Variants in INTU observed in about 807,000 individuals in gnomAD.
INTU encodes inturned planar cell polarity protein.
Under a neutral mutation model 100.5 loss-of-function variants are expected in INTU, and 68 were observed. The ratio of observed to expected loss-of-function variants is 0.68; its 90% confidence interval spans 0.56 to 0.83. The LOEUF is 0.83. Among genes scored for constraint, INTU ranks in the 40% least tolerant of loss-of-function variants. The pLI is 0.00. For missense variants in INTU, 1,071 were observed against 1,114.7 expected (o/e 0.96, Z 0.56); for synonymous variants, 357 against 395.7 (o/e 0.90, Z 1.16).
intron 4 of INTU, among the ~76,000 whole-genome samples, chr4:127,666,514 C>T (rs569116828): frequency 6.6e-6 from 1 of 152,278 alleles, no homozygotes; most frequent in South Asian, 2.1e-4. Context: ...GCTCAGCTCA[C>T]CTACCTTGTT....
chr4:127,689,266 A>G (rs1729994186), intron 8 of INTU, among the ~76,000 whole-genome samples: 1 of 152,000 alleles, frequency 6.6e-6, no homozygotes, highest in African/African-American at 2.4e-5. Context: ...TACAGGCATG[A>G]GCCATGGCAC....
At chr4:127,642,848 C>CT (rs201935602) in intron 1 of INTU, among the ~76,000 whole-genome samples, 23 of 143,862 alleles carry the variant, frequency 1.6e-4, no homozygotes, top group East Asian at 1.2e-3. Flanking sequence ...GTAATATGTG[C>CT]TTTTTTTTTT....
At position 127,718,300 on chromosome 4, in the gene INTU, C is replaced by A. The variant is rs965099445; in HGVS notation, c.*1864C>A. 1 of 151,976 alleles carries A rather than the reference C, an allele frequency of 6.6e-6. No homozygotes were observed. Among genetic ancestry groups the A allele is most frequent in the African/African-American group, 2.4e-5 (1 of 41,384 alleles). The allele number at this position is 151,976 out of a possible 1,614,324, so 9.4% of individuals were successfully genotyped here. A position where few individuals can be genotyped will look rare whatever the true frequency, so the allele number is the denominator to read the frequency against. On this transcript the variant is annotated 3_prime_UTR_variant, in exon 16 of 16. Transcript: ENST00000335251. Reference sequence around the variant, plus strand: ...TGAAGATCAGATGGTTGTAGATGTGCAATCTTATTTCTGAGTTCTCTATTC... The same window carrying A: ...TGAAGATCAGATGGTTGTAGATGTGAAATCTTATTTCTGAGTTCTCTATTC...
intron 2 of INTU, among the ~76,000 whole-genome samples, chr4:127,654,975 A>G (rs1423322683): frequency 6.7e-6 from 1 of 149,618 alleles, no homozygotes; most frequent in Non-Finnish European, 1.5e-5. Flanking sequence ...CATTCATTTC[A>G]TCTTCCATTG....
intron 8 of INTU, among the ~76,000 whole-genome samples, chr4:127,696,088 T>C (rs1730369130): frequency 6.6e-6 from 1 of 152,188 alleles, no homozygotes; most frequent in African/African-American, 2.4e-5. Flanking sequence ...GGATTCCCTC[T>C]GCTAATATTT....
At position 127,720,433 on chromosome 4, in the gene INTU, G is replaced by A. The variant is rs1296486003; in HGVS notation, c.*3997G>A. On this transcript the variant is annotated 3_prime_UTR_variant, in exon 16 of 16. Transcript: ENST00000335251. ...TCAATTTTAGAGTAAGTACCATGTG[G>A]CACTGAGAAGAATATATATTCTGTT... is the stretch of plus-strand genomic sequence containing the variant. 6.6e-6 allele frequency: 1 copy of A among 152,198 alleles called. No homozygotes were observed. The highest frequency in any genetic ancestry group is 1.5e-5 in the Non-Finnish European group (1 of 68,040). The allele number at this position is 152,198 out of a possible 1,614,324, so 9.4% of individuals were successfully genotyped here.
In INTU at chr4:127,706,782, C is replaced by G. The variant is rs775424865; in HGVS notation, c.2084C>G (p.Thr695Arg). 2 of 1,614,048 alleles carry G rather than the reference C, an allele frequency of 1.2e-6. No homozygotes were observed. The highest frequency in any genetic ancestry group is 1.7e-6 in the Non-Finnish European group (2 of 1,179,946). The change falls in exon 12 of 16, where the codon ACG becomes AGG. Residue 695 changes from threonine (T) to arginine (R), a missense_variant. Thr to Arg is a moderately conservative substitution (Grantham distance 71, BLOSUM62 -1). Coordinates refer to ENST00000335251, the MANE Select transcript of INTU (RefSeq NM_015693.4). The stretch of plus-strand genomic sequence containing the variant: ...GCAACTTCTCCAACATGCAGAAGAA[C>G]GCTTTTTGGTGACTATTCCTTAAAG... The part of the protein sequence containing the change: ...KVATSPTCRR[T>R]LFGDYSLKTR...
At position 127,726,285 on chromosome 4, in the gene INTU, CTT is replaced by C. The variant is rs1186725323; in HGVS notation, c.*9854_*9855del. ...GCAAGATAGCATTTTGTAATACCTG[CTT>C]TTTTATATTTCTAATACAAATGGGC... On this transcript the variant is annotated 3_prime_UTR_variant, in exon 16 of 16. Transcript: ENST00000335251. 6.6e-6 allele frequency: 1 copy of C among 152,112 alleles called. No homozygotes were observed. Among genetic ancestry groups the C allele is most frequent in the Non-Finnish European group, 1.5e-5 (1 of 68,006 alleles). 9.4% of individuals were successfully genotyped at this position (152,112 alleles called of 1,614,324 possible).
intron 2 of INTU, among the ~76,000 whole-genome samples, chr4:127,655,598 G>T (rs538050775): frequency 6.7e-6 from 1 of 149,938 alleles, no homozygotes; most frequent in Non-Finnish European, 1.5e-5. Flanking sequence ...CTCCAGCTGC[G>T]TGCTGGGAGA....
intron 4 of INTU, among the ~76,000 whole-genome samples, chr4:127,666,410 C>T (rs946507469): frequency 3.3e-5 from 5 of 152,156 alleles, no homozygotes; most frequent in African/African-American, 1.2e-4. Flanking sequence ...AGGGGATGCT[C>T]TCCTCCAGAG....
chr4:127,641,341 T>C (rs561653029), intron 1 of INTU, among the ~76,000 whole-genome samples: 3 of 152,294 alleles, frequency 2.0e-5, no homozygotes, highest in Admixed American at 2.0e-4. Flanking sequence ...AAACTAGGGC[T>C]TGACCACTTC....
chr4:127,707,494 A>G (rs1730938011), intron 12 of INTU, among the ~76,000 whole-genome samples: 1 of 152,008 alleles, frequency 6.6e-6, no homozygotes, highest in Non-Finnish European at 1.5e-5. Context: ...GAAAACTTTA[A>G]TCTCAATTTC....
rs557790873 is a variant in INTU, at chr4:127,717,309, G to A, written c.*873G>A. On this transcript the variant is annotated 3_prime_UTR_variant, in exon 16 of 16. Coordinates refer to ENST00000335251, the MANE Select transcript of INTU (RefSeq NM_015693.4). ...CAGCTTCATCCATGTCCCTGCAGAGGACATGATCTCATACCTTTTTGTGGC... is the reference window on the plus strand; with the variant it reads ...CAGCTTCATCCATGTCCCTGCAGAGAACATGATCTCATACCTTTTTGTGGC... The A allele has an allele frequency of 6.6e-6, 1 of 152,134 alleles. No homozygotes were observed. Among genetic ancestry groups the A allele is most frequent in the Non-Finnish European group, 1.5e-5 (1 of 68,030 alleles). The allele number at this position is 152,134 out of a possible 1,614,324, so 9.4% of individuals were successfully genotyped here.
At chr4:127,689,780 G>A (rs1730026541) in intron 8 of INTU, among the ~76,000 whole-genome samples, 1 of 151,838 alleles carries the variant, frequency 6.6e-6, no homozygotes, top group Admixed American at 6.6e-5. Flanking sequence ...GGGAAGGGAA[G>A]GATATAAGTG....
intron 7 of INTU, chr4:127,685,359 G>A (rs1293840323): frequency 1.6e-5 from 7 of 428,728 alleles, no homozygotes; most frequent in Non-Finnish European, 2.8e-5. Flanking sequence ...AAATCCAAAG[G>A]CAGTTTATAC....
intron 1 of INTU, among the ~76,000 whole-genome samples, chr4:127,641,686 A>C (rs1218579553): frequency 1.3e-5 from 2 of 152,048 alleles, no homozygotes; most frequent in Non-Finnish European, 2.9e-5. Flanking sequence ...ACTGTCATGA[A>C]TTCTTTCTCA....
chr4:127,660,407 C>A (rs149344899), intron 3 of INTU, among the ~76,000 whole-genome samples: 8 of 152,232 alleles, frequency 5.3e-5, no homozygotes, highest in Non-Finnish European at 1.2e-4. Flanking sequence ...TGTTAGCCAA[C>A]AGGGAAAGGA....
rs1436050928 is a variant in INTU at position 127,721,199 on chromosome 4, G to C, written c.*4763G>C. The C allele has an allele frequency of 1.3e-5, 2 of 152,128 alleles. No individual in the cohort carries two copies. The highest frequency in any genetic ancestry group is 2.9e-5 in the Non-Finnish European group (2 of 68,032). The allele number at this position is 152,128 out of a possible 1,614,324, so 9.4% of individuals were successfully genotyped here. A position where few individuals can be genotyped will look rare whatever the true frequency, so the allele number is the denominator to read the frequency against. The stretch of plus-strand genomic sequence containing the variant: ...GAATTCCCTCAGCATTTGCTTGTCT[G>C]AAAAAGATTTTATTTCTCCTTCACT... On this transcript the variant is annotated 3_prime_UTR_variant, in exon 16 of 16. Coordinates refer to ENST00000335251, the MANE Select transcript of INTU (RefSeq NM_015693.4).
At chr4:127,649,886 AAAT>A (rs1170151243) in intron 2 of INTU, among the ~76,000 whole-genome samples, 10 of 152,308 alleles carry the variant, frequency 6.6e-5, no homozygotes, top group Admixed American at 2.0e-4. Context: ...ATGATGAGAA[AAAT>A]AACTTTGGTA....
Sources: allele counts gnomAD v4.1 joint callset (sites outside exome capture counted in the v4.1 genomes callset), GRCh38; gene constraint gnomAD v4.1.1; transcripts MANE v1.5; gene names NCBI Gene and HGNC (gene_info 2026-07-23, HGNC 2026-07-21).